The following ADCY2 variants were observed in gnomAD, a reference collection of about 807,000 sequenced individuals.
ADCY2 encodes the protein adenylate cyclase 2.
In ADCY2, 31 loss-of-function variants were observed where a neutral mutation model predicts 125.2. The ratio of observed to expected loss-of-function variants is 0.25; its 90% CI spans 0.19 to 0.33. The LOEUF is 0.33. Among genes scored for constraint, ADCY2 ranks in the 10% least tolerant of loss-of-function variants. The pLI is 1.00. For missense variants in ADCY2, 904 were observed against 1,418.2 expected, an observed-to-expected ratio of 0.64 and a Z score of 5.82; for synonymous variants, 512 against 548.4, an observed-to-expected ratio of 0.93 and a Z score of 0.93.
Position 7,786,459 on chromosome 5 carries a change from C to T in ADCY2, c.2469+2010C>T, listed in dbSNP as rs867628777. Among the ~76,000 whole-genome samples the T allele has an allele frequency of 5.3e-5, 8 of 152,180 alleles. 1 individual carries two copies. In the South Asian group the frequency reaches 6.2e-4, roughly 12 times the overall value. On this transcript the variant is annotated intron_variant, in intron 19 of 24. Transcript: ENST00000338316. ...GTATATGCATTTTGCAACTTATTTTCATTGTTATTTTTCCTGCTCCATGAC... is the reference window on the plus strand; with the variant it reads ...GTATATGCATTTTGCAACTTATTTTTATTGTTATTTTTCCTGCTCCATGAC...
chr5:7,483,679 C>T (rs1344706992), intron 2 of ADCY2, among the ~76,000 whole-genome samples: 1 of 152,166 alleles, frequency 6.6e-6, no homozygotes, highest in Non-Finnish European at 1.5e-5. Flanking sequence ...CATTGAGTGA[C>T]ATTTTAGAGG....
chr5:7,631,451 G>T (rs1294039864), intron 4 of ADCY2, among the ~76,000 whole-genome samples: 1 of 152,180 alleles, frequency 6.6e-6, no homozygotes. Flanking sequence ...CAGTGAGTAA[G>T]TGTAACTTCC....
At chr5:7,466,194 C>T (rs1251107425) in intron 2 of ADCY2, among the ~76,000 whole-genome samples, 1 of 152,140 alleles carries the variant, frequency 6.6e-6, no homozygotes, top group Non-Finnish European at 1.5e-5. Context: ...TAACTTCAGC[C>T]ATATCTTATA....
intron 4 of ADCY2, among the ~76,000 whole-genome samples, chr5:7,633,261 T>G (rs1164100277): frequency 1.3e-5 from 2 of 151,818 alleles, no homozygotes. Context: ...TAAAACCCTG[T>G]CTCTACTAAA....
rs575399943 is a variant in ADCY2 at position 7,717,733 on chromosome 5, G to C, written c.1703+496G>C. 3.3e-5 allele frequency among the ~76,000 whole-genome samples: 5 copies of C among 152,322 alleles called. No individual in the cohort carries two copies. In the South Asian group the frequency reaches 1.0e-3, roughly 32 times the overall value. On this transcript the variant is annotated intron_variant, in intron 12 of 24. Transcript: ENST00000338316. Reference sequence around the variant, plus strand: ...TTAGCCTCTGAGGCCAAGAATTGCTGTTACGGTTTTAAATGGTCCAGAGTT... The same window carrying C: ...TTAGCCTCTGAGGCCAAGAATTGCTCTTACGGTTTTAAATGGTCCAGAGTT...
intron 2 of ADCY2, among the ~76,000 whole-genome samples, chr5:7,427,002 G>A (rs1031006986): frequency 6.6e-6 from 1 of 152,194 alleles, no homozygotes; most frequent in African/African-American, 2.4e-5. Context: ...CCAGAACAAA[G>A]TACCACAAAG....
intron 2 of ADCY2, among the ~76,000 whole-genome samples, chr5:7,501,841 C>T (rs1743606378): frequency 6.6e-6 from 1 of 152,040 alleles, no homozygotes; most frequent in Non-Finnish European, 1.5e-5. Context: ...TTGCTTCCTC[C>T]TCCTGCCCTC....
At chr5:7,510,448 A>G (rs945840398) in intron 2 of ADCY2, among the ~76,000 whole-genome samples, 1 of 152,214 alleles carries the variant, frequency 6.6e-6, no homozygotes, top group Non-Finnish European at 1.5e-5. Context: ...TCACAGGCAC[A>G]GCACCTGGGA....
chr5:7,673,287 A>AT lies in ADCY2; in HGVS notation c.721-17404_721-17403insT, dbSNP rs58507866. On this transcript the variant is annotated intron_variant, in intron 4 of 24. Transcript: ENST00000338316. ...AAAAAAAAATATATATATATATATA[A>AT]AATTAGCCAGGTGTTGTGGAACATG... Among the ~76,000 whole-genome samples, 6 of 31,270 alleles carry AT rather than the reference A, an allele frequency of 1.9e-4. 1 individual carries two copies. The highest frequency in any genetic ancestry group is 4.3e-3 in the South Asian group (2 of 466). 20.5% of individuals were successfully genotyped at this position (31,270 alleles called of 152,430 possible).
intron 2 of ADCY2, among the ~76,000 whole-genome samples, chr5:7,468,441 T>C (rs943964198): frequency 6.6e-6 from 1 of 152,194 alleles, no homozygotes; most frequent in Non-Finnish European, 1.5e-5. Context: ...ACATTTCTTA[T>C]CAGTTTGAGA....
At chr5:7,661,503 A>G (rs965928142) in intron 4 of ADCY2, among the ~76,000 whole-genome samples, 1 of 152,244 alleles carries the variant, frequency 6.6e-6, no homozygotes, top group African/African-American at 2.4e-5. Flanking sequence ...ATCAAAAGGT[A>G]TGTTTAGGAA....
intron 3 of ADCY2, among the ~76,000 whole-genome samples, chr5:7,595,913 A>G (rs1736988656): frequency 6.6e-6 from 1 of 152,168 alleles, no homozygotes; most frequent in Non-Finnish European, 1.5e-5. Context: ...TCTTTTAAGA[A>G]ATATTTTTGA....
At chr5:7,444,158 G>T (rs1479105103) in intron 2 of ADCY2, among the ~76,000 whole-genome samples, 1 of 141,866 alleles carries the variant, frequency 7.0e-6, no homozygotes, top group African/African-American at 2.6e-5. Flanking sequence ...CTGTCTCCCC[G>T]GCTGGAGTGC....
chr5:7,633,875 G>GCTGTGAT (rs1738405036), intron 4 of ADCY2, among the ~76,000 whole-genome samples: 1 of 152,182 alleles, frequency 6.6e-6, no homozygotes, highest in Non-Finnish European at 1.5e-5. Flanking sequence ...ATGGTACTTT[G>GCTGTGAT]ATGCTGGTAA....
At chr5:7,484,671 A>G (rs543128217) in intron 2 of ADCY2, among the ~76,000 whole-genome samples, 18 of 152,098 alleles carry the variant, frequency 1.2e-4, no homozygotes, top group Non-Finnish European at 2.2e-4. Flanking sequence ...CTTTCTTTCT[A>G]TCATAAACTA....
chr5:7,473,216 A>T (rs1452781183), intron 2 of ADCY2, among the ~76,000 whole-genome samples: 4 of 152,168 alleles, frequency 2.6e-5, no homozygotes, highest in South Asian at 2.1e-4. Flanking sequence ...TTTGTAAAAA[A>T]CATAAGTTTA....
chr5:7,540,820 A>C (rs893835964), intron 3 of ADCY2, among the ~76,000 whole-genome samples: 2 of 151,730 alleles, frequency 1.3e-5, no homozygotes, highest in Non-Finnish European at 2.9e-5. Context: ...CCCACCTTCT[A>C]TTCTCTCATT....
At chr5:7,716,305 G>GA (rs1200324623) in intron 11 of ADCY2, among the ~76,000 whole-genome samples, 1 of 152,158 alleles carries the variant, frequency 6.6e-6, no homozygotes, top group Non-Finnish European at 1.5e-5. Context: ...GCAAATTTTT[G>GA]AGAGTTGACC....
In ADCY2 at chr5:7,695,808, G is replaced by A; in HGVS notation, c.926G>A (p.Gly309Glu). Reference sequence around the variant, plus strand: ...CGGCTGGCAAGTGACTGCTCCCCGGGAGAACTAGTCCACATGCTGAATGAG... The same window carrying A: ...CGGCTGGCAAGTGACTGCTCCCCGGAAGAACTAGTCCACATGCTGAATGAG... ...FTRLASDCSP[G>E]ELVHMLNELF... The change falls in exon 6 of 25, where the codon GGA (glycine) becomes GAA (glutamate). Residue 309 changes from glycine to glutamate, a missense_variant. By Grantham distance (98) the Gly-to-Glu change is moderately conservative. This residue lies in a region of ADCY2 where 117 missense variants were observed against 248.0 expected (regional missense o/e 0.47). Coordinates refer to ENST00000338316, the MANE Select transcript of ADCY2 (RefSeq NM_020546.3). 6.2e-7 allele frequency: 1 copy of A among 1,613,056 alleles called. No individual in the cohort carries two copies. The highest frequency in any genetic ancestry group is 8.5e-7 in the Non-Finnish European group (1 of 1,179,434).
Sources: allele counts gnomAD v4.1 joint callset (sites outside exome capture counted in the v4.1 genomes callset), GRCh38; gene constraint gnomAD v4.1.1; regional missense constraint gnomAD v4.1.1; transcripts MANE v1.5; gene names NCBI Gene and HGNC (gene_info 2026-07-23, HGNC 2026-07-21).